Variants in PCDHA5 observed in about 807,000 individuals in gnomAD.
PCDHA5 encodes the protein protocadherin alpha-5.
PCDHA5 carries 43 observed loss-of-function variants against 61.6 expected under a neutral mutation model. That is an observed-to-expected ratio of 0.70 (90% CI 0.55 to 0.90). PCDHA5 has a LOEUF of 0.90. Ranked by LOEUF, PCDHA5 falls within the 40% of genes least tolerant of loss-of-function variation. The pLI, the probability that PCDHA5 is intolerant of heterozygous loss-of-function variation, is 0.00. For synonymous variants in PCDHA5, 627 were observed against 543.9 expected (o/e 1.15, Z -2.13); for missense variants, 1,298 against 1,222.7 (o/e 1.06, Z -0.92).
chr5:140,966,960 T>C, intron 1 of PCDHA5: 1 of 1,603,106 alleles, frequency 6.2e-7, no homozygotes, highest in Non-Finnish European at 8.5e-7. Context: ...GCTCGCGCGC[T>C]GGGGCTTGAG....
intron 1 of PCDHA5, among the ~76,000 whole-genome samples, chr5:140,916,761 G>A (rs1391817856): frequency 2.0e-5 from 3 of 152,306 alleles, no homozygotes; most frequent in South Asian, 2.1e-4. Flanking sequence ...TTAGGGGAGG[G>A]GTGGCACAAG....
intron 1 of PCDHA5, among the ~76,000 whole-genome samples, chr5:140,837,787 C>T (rs1177845045): frequency 3.3e-5 from 5 of 151,766 alleles, no homozygotes; most frequent in Non-Finnish European, 7.4e-5. Context: ...CAGGATCCTC[C>T]CATCTCAGCC....
At chr5:140,960,748 A>C (rs1408249489) in intron 1 of PCDHA5, among the ~76,000 whole-genome samples, 1 of 152,008 alleles carries the variant, frequency 6.6e-6, no homozygotes, top group Non-Finnish European at 1.5e-5. Flanking sequence ...TCCATGGCTA[A>C]AATCCCAAGA....
chr5:140,893,198 C>T (rs1242904411), intron 1 of PCDHA5, among the ~76,000 whole-genome samples: 2 of 152,164 alleles, frequency 1.3e-5, no homozygotes, highest in Admixed American at 6.5e-5. Flanking sequence ...AATAGTGCTG[C>T]AGTAAGTATG....
At position 140,966,546 on chromosome 5, in the gene PCDHA5, C is replaced by G. The variant is rs549303882; in HGVS notation, c.2353-12403C>G. The G allele has an allele frequency of 3.9e-5, 18 of 466,228 alleles. No individual in the cohort carries two copies. The Admixed American group carries it at 6.1e-4, about 16-fold the overall frequency. 28.9% of individuals were successfully genotyped at this position (466,228 alleles called of 1,614,324 possible). On this transcript the variant is annotated intron_variant, in intron 1 of 3. Coordinates refer to ENST00000529859, the MANE Select transcript of PCDHA5 (RefSeq NM_018908.3). ...CGAGCCGGGTTGAGCGACTCGGAGGCGAGCGGAGGAGCTGGAATATGGGGA... is the reference window on the plus strand; with the variant it reads ...CGAGCCGGGTTGAGCGACTCGGAGGGGAGCGGAGGAGCTGGAATATGGGGA...
At chr5:140,890,533 T>C (rs2062686259) in intron 1 of PCDHA5, among the ~76,000 whole-genome samples, 1 of 152,234 alleles carries the variant, frequency 6.6e-6, no homozygotes, top group South Asian at 2.1e-4. Context: ...TTGATCTTCT[T>C]TTGAAATGAC....
intron 1 of PCDHA5, chr5:140,876,222 G>T (rs923525457): frequency 6.2e-7 from 1 of 1,613,972 alleles, no homozygotes; most frequent in Non-Finnish European, 8.5e-7. Flanking sequence ...ATAAAGTAGT[G>T]TTGTCTGAAA....
chr5:140,854,159 CAAAA>C (rs59855104), intron 1 of PCDHA5: 81 of 341,326 alleles, frequency 2.4e-4, no homozygotes, highest in Middle Eastern at 1.4e-3. Flanking sequence ...GATTCTGTCT[CAAAA>C]AAAAAAAAAA....
intron 1 of PCDHA5, among the ~76,000 whole-genome samples, chr5:140,910,994 CT>C (rs1312142604): frequency 2.0e-5 from 3 of 152,222 alleles, no homozygotes; most frequent in African/African-American, 7.2e-5. Flanking sequence ...AACCTCACCC[CT>C]AGGGCCCTCC....
intron 1 of PCDHA5, chr5:140,967,025 C>A: frequency 1.2e-6 from 2 of 1,608,362 alleles, no homozygotes; most frequent in Non-Finnish European, 8.5e-7. Flanking sequence ...TGCGCCCAGT[C>A]CGCGCTACCT....
At chr5:140,861,700 T>C (rs2047027429) in intron 1 of PCDHA5, 1 of 222,356 alleles carries the variant, frequency 4.5e-6, no homozygotes, top group Non-Finnish European at 9.0e-6. Flanking sequence ...GTGTCTGTGA[T>C]GCCGACGTCG....
At chr5:140,846,374 T>TTC (rs1554141279) in intron 1 of PCDHA5, among the ~76,000 whole-genome samples, 10 of 30,854 alleles carry the variant, frequency 3.2e-4, no homozygotes, top group African/African-American at 1.1e-3. Context: ...TCTTTCTTTC[T>TTC]TTTTTTTTTT....
Position 140,857,105 on chromosome 5 carries a change from T to G in PCDHA5, c.2352+32978T>G. On this transcript the variant is annotated intron_variant, in intron 1 of 3. Transcript: ENST00000529859. The stretch of plus-strand genomic sequence containing the variant: ...TAATTCACCTGAGGTGATTGTCACT[T>G]CTCTGTCTCTCCCAGTGAAAGAAGA... The G allele has an allele frequency of 1.9e-6, 3 of 1,597,820 alleles. 1 individual carries two copies. Among genetic ancestry groups the G allele is most frequent in the Non-Finnish European group, 2.6e-6 (3 of 1,167,424 alleles).
intron 1 of PCDHA5, among the ~76,000 whole-genome samples, chr5:140,897,367 T>C (rs1554187348): frequency 8.0e-6 from 1 of 125,642 alleles, no homozygotes; most frequent in East Asian, 2.4e-4. Flanking sequence ...CAGAGTGTGA[T>C]GTTCCCTTCC....
chr5:141,000,158 A>G (rs1313496168), intron 3 of PCDHA5, among the ~76,000 whole-genome samples: 1 of 151,968 alleles, frequency 6.6e-6, no homozygotes, highest in Non-Finnish European at 1.5e-5. Context: ...AACAAAAACT[A>G]TTTGATTATT....
intron 1 of PCDHA5, among the ~76,000 whole-genome samples, chr5:140,961,185 G>T (rs2095595656): frequency 6.6e-6 from 1 of 152,100 alleles, no homozygotes; most frequent in Non-Finnish European, 1.5e-5. Context: ...ACTCCTCACA[G>T]GACCCTAGTG....
At chr5:140,940,390 T>C (rs2092601477) in intron 1 of PCDHA5, among the ~76,000 whole-genome samples, 1 of 152,194 alleles carries the variant, frequency 6.6e-6, no homozygotes. Flanking sequence ...ATTTTGGTTA[T>C]TGTGTTTTTC....
chr5:140,941,597 G>T (rs2093124922), intron 1 of PCDHA5, among the ~76,000 whole-genome samples: 1 of 152,032 alleles, frequency 6.6e-6, no homozygotes, highest in Middle Eastern at 3.4e-3. Context: ...TTACAGCCAT[G>T]AGCCATGGTG....
At position 141,009,699 on chromosome 5, in the gene PCDHA5, G is replaced by A. The variant is rs1554262287; in HGVS notation, c.2573G>A (p.Gly858Glu). Residue 858 changes from glycine to glutamate, a missense_variant, in exon 4 of 4, where the codon GGA becomes GAA. Gly to Glu is a moderately conservative substitution (Grantham distance 98, BLOSUM62 -2). Transcript: ENST00000529859. ...AGCAACAGCTGGACCTTTAAATACG[G>A]ACCAGGCAACCCCAAACAATCCGGT... Reference protein sequence around the residue: ...VNSNSWTFKYGPGNPKQSGPG... With the variant: ...VNSNSWTFKYEPGNPKQSGPG... 1 of 1,614,030 alleles carries A rather than the reference G, an allele frequency of 6.2e-7. No individual in the cohort carries two copies. The highest frequency in any genetic ancestry group is 8.5e-7 in the Non-Finnish European group (1 of 1,180,010).
Sources: allele counts gnomAD v4.1 joint callset (sites outside exome capture counted in the v4.1 genomes callset), GRCh38; gene constraint gnomAD v4.1.1; transcripts MANE v1.5; gene names NCBI Gene and HGNC (gene_info 2026-07-23, HGNC 2026-07-21).